Variants in PCDHGA8 observed in about 807,000 individuals in gnomAD.
PCDHGA8 encodes protocadherin gamma subfamily A, 8, also known as protocadherin gamma-A8.
PCDHGA8 carries 45 observed loss-of-function variants against 59.2 expected under a neutral mutation model. That is an observed-to-expected ratio of 0.76 (90% CI 0.60 to 0.98). The LOEUF (loss-of-function observed/expected upper bound fraction) is 0.98. Among genes scored for constraint, PCDHGA8 ranks in the 50% least tolerant of loss-of-function variants. The pLI is 0.00. For missense variants in PCDHGA8, 1,257 were observed against 1,196.2 expected, an observed-to-expected ratio of 1.05 and a Z score of -0.75; for synonymous variants, 531 against 519.0, an observed-to-expected ratio of 1.02 and a Z score of -0.32.
At position 141,432,987 on chromosome 5, in the gene PCDHGA8, T is replaced by C. The variant is rs1259121931; in HGVS notation, c.2424+37750T>C. ...GCGCCGGCGTCGCACTTTGTGGGCGTGGACGGGGTGCAGGCTTTCCTGCAG... is the reference window on the plus strand; with the variant it reads ...GCGCCGGCGTCGCACTTTGTGGGCGCGGACGGGGTGCAGGCTTTCCTGCAG... On this transcript the variant is annotated intron_variant, in intron 1 of 3. Coordinates refer to ENST00000398604, the MANE Select transcript of PCDHGA8 (RefSeq NM_032088.2). The surrounding 1 kb of genome is among the most constrained non-coding windows in gnomAD (Gnocchi z 6.0). The C allele has an allele frequency of 3.7e-6, 6 of 1,614,174 alleles. No individual in the cohort carries two copies. Among genetic ancestry groups the C allele is most frequent in the Non-Finnish European group, 5.1e-6 (6 of 1,180,032 alleles).
At chr5:141,399,609 T>C in intron 1 of PCDHGA8, 2 of 1,613,918 alleles carry the variant, frequency 1.2e-6, no homozygotes, top group Non-Finnish European at 1.7e-6. Flanking sequence ...ACCTAGAGCC[T>C]CTGGCACTGG....
Position 141,486,734 on chromosome 5 carries a change from C to A in PCDHGA8, c.2425-8073C>A. ...CCAGACAGGAGCTGTTCATGCTACT[C>A]GATCCTTTGACTATGAGCAAACCCA... On this transcript the variant is annotated intron_variant, in intron 1 of 3. Transcript: ENST00000398604. The surrounding 1 kb of genome is among the most constrained non-coding windows in gnomAD (Gnocchi z 5.0). The A allele has an allele frequency of 1.2e-6, 2 of 1,614,188 alleles. No homozygotes were observed. Among genetic ancestry groups the A allele is most frequent in the Non-Finnish European group, 1.7e-6 (2 of 1,180,040 alleles).
chr5:141,399,902 C>T, intron 1 of PCDHGA8: 3 of 1,612,490 alleles, frequency 1.9e-6, no homozygotes, highest in Non-Finnish European at 8.5e-7. Context: ...GCCGTGGACG[C>T]AGACTCAGGA....
Position 141,487,931 on chromosome 5 carries a change from G to A in PCDHGA8, c.2425-6876G>A. The stretch of plus-strand genomic sequence containing the variant: ...AGCACAGGAGGCTACAGTGCACAGG[G>A]TACAGTGCACCAGGCAGTCACTTGG... On this transcript the variant is annotated intron_variant, in intron 1 of 3. Transcript: ENST00000398604. The surrounding 1 kb of genome is among the most constrained non-coding windows in gnomAD (Gnocchi z 5.0). The A allele has an allele frequency of 1.6e-6, 1 of 612,954 alleles. No homozygotes were observed. The highest frequency in any genetic ancestry group is 2.8e-6 in the Non-Finnish European group (1 of 351,318). 38.0% of individuals were successfully genotyped at this position (612,954 alleles called of 1,614,324 possible). A position where few individuals can be genotyped will look rare whatever the true frequency, so the allele number is the denominator to read the frequency against.
chr5:141,476,417 C>A lies in PCDHGA8; in HGVS notation c.2425-18390C>A. ...GGATCGAGAGGAGCTGTGTGGGACA[C>A]TGCCCTCTTGCACTGTAACTCTGGA... is the stretch of plus-strand genomic sequence containing the variant. On this transcript the variant is annotated intron_variant, in intron 1 of 3. Coordinates refer to ENST00000398604, the MANE Select transcript of PCDHGA8 (RefSeq NM_032088.2). This position sits in a 1 kb window ranked among gnomAD's most constrained non-coding sequence, Gnocchi z 7.6. The A allele has an allele frequency of 6.2e-7, 1 of 1,614,112 alleles. No homozygotes were observed. The highest frequency in any genetic ancestry group is 8.5e-7 in the Non-Finnish European group (1 of 1,179,994).
At chr5:141,495,236 A>G (rs2099759742) in intron 2 of PCDHGA8, among the ~76,000 whole-genome samples, 1 of 152,168 alleles carries the variant, frequency 6.6e-6, no homozygotes, top group South Asian at 2.1e-4. Flanking sequence ...GGGCTCCATT[A>G]TGACCTGGGG....
At chr5:141,481,560 G>A (rs1594155886) in intron 1 of PCDHGA8, among the ~76,000 whole-genome samples, 1 of 152,212 alleles carries the variant, frequency 6.6e-6, no homozygotes, top group Non-Finnish European at 1.5e-5. Flanking sequence ...GCTCACGCCT[G>A]TAATCCCAGT....
intron 1 of PCDHGA8, among the ~76,000 whole-genome samples, chr5:141,437,360 G>T (rs1432098876): frequency 6.6e-6 from 1 of 152,144 alleles, no homozygotes; most frequent in Non-Finnish European, 1.5e-5. Context: ...ACCTAAAATT[G>T]GAATGTAATC....
chr5:141,492,460 G>T (rs2099740851), intron 1 of PCDHGA8, among the ~76,000 whole-genome samples: 1 of 152,218 alleles, frequency 6.6e-6, no homozygotes, highest in African/African-American at 2.4e-5. Flanking sequence ...GCGCGCCTGA[G>T]GGTCCCAGAT....
intron 1 of PCDHGA8, chr5:141,415,060 G>C (rs1428839232): frequency 1.2e-6 from 2 of 1,613,426 alleles, no homozygotes; most frequent in Admixed American, 1.7e-5. Flanking sequence ...GCACACGGGC[G>C]AGGTGCGCAC....
rs1299162270 is a variant in PCDHGA8 at position 141,413,906 on chromosome 5, C to T, written c.2424+18669C>T. ...GTCTTCGATGCAAATGACAACGCGC[C>T]GGTCTTCACCTTGCCAGAATACCGA... On this transcript the variant is annotated intron_variant, in intron 1 of 3. Transcript: ENST00000398604. The T allele has an allele frequency of 1.9e-6, 3 of 1,613,190 alleles. No homozygotes were observed. The highest frequency in any genetic ancestry group is 1.7e-6 in the Non-Finnish European group (2 of 1,179,870).
chr5:141,432,521 G>A lies in PCDHGA8; in HGVS notation c.2424+37284G>A. The stretch of plus-strand genomic sequence containing the variant: ...CCGCTCCGCAGAGCCCGGCTACCTG[G>A]TGACCAAGGTGGTGGCGGTGGACAG... On this transcript the variant is annotated intron_variant, in intron 1 of 3. Coordinates refer to ENST00000398604, the MANE Select transcript of PCDHGA8 (RefSeq NM_032088.2). The surrounding 1 kb of genome is among the most constrained non-coding windows in gnomAD (Gnocchi z 6.0). The A allele has an allele frequency of 6.2e-7, 1 of 1,614,112 alleles. No homozygotes were observed. Among genetic ancestry groups the A allele is most frequent in the Non-Finnish European group, 8.5e-7 (1 of 1,180,028 alleles).
At chr5:141,484,989 T>C (rs1295192640) in intron 1 of PCDHGA8, 4 of 604,024 alleles carry the variant, frequency 6.6e-6, no homozygotes, top group Non-Finnish European at 1.2e-5. Context: ...AATCGGGTGG[T>C]GAAAGGCAGA....
intron 1 of PCDHGA8, chr5:141,414,597 C>G: frequency 6.2e-7 from 1 of 1,613,972 alleles, no homozygotes; most frequent in South Asian, 1.1e-5. Context: ...GGGGTGCCTC[C>G]ATCTTCTCAG....
rs2098995125 is a variant in PCDHGA8 at position 141,460,673 on chromosome 5, A to G, written c.2425-34134A>G. 2.6e-5 allele frequency among the ~76,000 whole-genome samples: 4 copies of G among 152,244 alleles called. No homozygotes were observed. The South Asian group carries it at 8.3e-4, about 32-fold the overall frequency. On this transcript the variant is annotated intron_variant, in intron 1 of 3. Coordinates refer to ENST00000398604, the MANE Select transcript of PCDHGA8 (RefSeq NM_032088.2). ...CATATGTAACTGTAAACACAGTTAT[A>G]TATCTATATATCCACCAACAGTTGA... is the stretch of plus-strand genomic sequence containing the variant.
At chr5:141,421,613 A>G in intron 1 of PCDHGA8, 2 of 1,613,838 alleles carry the variant, frequency 1.2e-6, no homozygotes, top group South Asian at 2.2e-5. Flanking sequence ...GATATTAATG[A>G]TAACGCCCCC....
Position 141,477,365 on chromosome 5 carries a change from C to T in PCDHGA8, c.2425-17442C>T, listed in dbSNP as rs754438240. On this transcript the variant is annotated intron_variant, in intron 1 of 3. Transcript: ENST00000398604. The surrounding 1 kb of genome is among the most constrained non-coding windows in gnomAD (Gnocchi z 4.9). ...TTTGAAAACCAGTGCAGACCTGGAT[C>T]GGGAGACTGTGCCAGAATACAACCT... The T allele has an allele frequency of 6.2e-7, 1 of 1,614,156 alleles. No homozygotes were observed. The highest frequency in any genetic ancestry group is 1.7e-5 in the Admixed American group (1 of 60,022).
chr5:141,423,348 C>G, intron 1 of PCDHGA8: 1 of 1,614,222 alleles, frequency 6.2e-7, no homozygotes. Flanking sequence ...TCTTCCTGGT[C>G]TTTGTCATCG....
In PCDHGA8 at chr5:141,432,700, G is replaced by C. The variant is rs1320099367; in HGVS notation, c.2424+37463G>C. 4 of 1,613,980 alleles carry C rather than the reference G, an allele frequency of 2.5e-6. No individual in the cohort carries two copies. In the Admixed American group the frequency reaches 6.7e-5, roughly 27 times the overall value. ...AGCAGAGCCTCGTAGTGGCCGTCCA[G>C]GACCACGGCCAGCCCCCTCTCTCCG... On this transcript the variant is annotated intron_variant, in intron 1 of 3. Coordinates refer to ENST00000398604, the MANE Select transcript of PCDHGA8 (RefSeq NM_032088.2). The surrounding 1 kb of genome is among the most constrained non-coding windows in gnomAD (Gnocchi z 6.0).
Sources: allele counts gnomAD v4.1 joint callset (sites outside exome capture counted in the v4.1 genomes callset), GRCh38; gene constraint gnomAD v4.1.1; non-coding constraint Gnocchi (gnomAD v3.1); transcripts MANE v1.5; gene names NCBI Gene and HGNC (gene_info 2026-07-23, HGNC 2026-07-21).